The following MAGI3 variants were observed in gnomAD, a reference collection of about 807,000 sequenced individuals.
MAGI3 encodes membrane-associated guanylate kinase, WW and PDZ domain-containing protein 3.
A neutral mutation model predicts 121.8 loss-of-function variants in MAGI3; 43 were observed. That is an observed-to-expected ratio of 0.35 (90% CI 0.28 to 0.46). MAGI3 has a LOEUF of 0.46. Ranked by LOEUF, MAGI3 falls within the 20% of genes least tolerant of loss-of-function variation. MAGI3 has a pLI of 1.00. For missense variants in MAGI3, 1,547 were observed against 1,797.3 expected (o/e 0.86, Z 2.52); for synonymous variants, 553 against 639.3 (o/e 0.86, Z 2.04).
rs770455774 is a variant in MAGI3 at position 113,641,912 on chromosome 1, C to T, written c.1362C>T (p.Gly454=). ...TTTAACATGATTATGTTTTTCCAGG[C>T]GATGTTATTGTAGACATCAATGGCA... ...PAAQDGKIAP[G]DVIVDINGNC... The change falls in exon 10 of 21, where the codon GGC becomes GGT. Residue 454 remains glycine (G), a splice_region_variant and synonymous_variant. Coordinates refer to ENST00000307546, the MANE Select transcript of MAGI3 (RefSeq NM_001142782.2). 3.0e-5 allele frequency: 47 copies of T among 1,546,610 alleles called. No homozygotes were observed. The highest frequency in any genetic ancestry group is 8.7e-5 in the South Asian group (7 of 80,336).
At chr1:113,401,455 C>G (rs1651397669) in intron 1 of MAGI3, among the ~76,000 whole-genome samples, 1 of 151,928 alleles carries the variant, frequency 6.6e-6, no homozygotes, top group Non-Finnish European at 1.5e-5. Context: ...GCTAATCAAG[C>G]AGAAAGTTAG....
intron 1 of MAGI3, among the ~76,000 whole-genome samples, chr1:113,465,362 G>T (rs1480963560): frequency 3.3e-5 from 5 of 152,034 alleles, no homozygotes; most frequent in African/African-American, 7.2e-5. Context: ...ATTGGTCTAT[G>T]TGTCTGTTTT....
rs868648704 is a variant in MAGI3, at chr1:113,454,536, G to C, written c.316+63187G>C. 2.0e-5 allele frequency among the ~76,000 whole-genome samples: 3 copies of C among 152,156 alleles called. 1 individual carries two copies. Among genetic ancestry groups the C allele is most frequent in the Middle Eastern group, 6.8e-3 (2 of 294 alleles). On this transcript the variant is annotated intron_variant, in intron 1 of 20. Transcript: ENST00000307546. ...TTATACTTTAAGTTCTGGGATACAT[G>C]TGCAGAATGTGCAGGTTTGTTACAT...
At chr1:113,581,789 C>T (rs74420438) in intron 3 of MAGI3, among the ~76,000 whole-genome samples, 112 of 152,226 alleles carry the variant, frequency 7.4e-4, no homozygotes, top group African/African-American at 2.5e-3. Context: ...CTGGGCTTAG[C>T]GCCCATGACT....
intron 1 of MAGI3, among the ~76,000 whole-genome samples, chr1:113,487,181 G>A (rs1242381013): frequency 6.6e-6 from 1 of 152,130 alleles, no homozygotes; most frequent in Non-Finnish European, 1.5e-5. Flanking sequence ...GAATTCAAGG[G>A]AATTAAGAAC....
rs965847340 is a variant in MAGI3, at chr1:113,585,457, C to A, written c.624C>A (p.Val208=). Residue 208 remains valine, a synonymous_variant, in exon 4 of 21, where the codon GTC becomes GTA. Coordinates refer to ENST00000307546, the MANE Select transcript of MAGI3 (RefSeq NM_001142782.2). ...SPFQPDPVDQ[V]LFDNEFDAES... ...TTCAGCCAGATCCAGTTGATCAAGT[C>A]CTCTTTGATAATGAGTTTGATGCAG... 1.9e-6 allele frequency: 3 copies of A among 1,614,064 alleles called. No individual in the cohort carries two copies. The highest frequency in any genetic ancestry group is 2.2e-5 in the East Asian group (1 of 44,872).
chr1:113,649,974 C>T (rs1390368690), intron 13 of MAGI3, among the ~76,000 whole-genome samples: 1 of 152,016 alleles, frequency 6.6e-6, no homozygotes, highest in African/African-American at 2.4e-5. Context: ...AAGTTTTGCT[C>T]TTGGTTTGAA....
intron 9 of MAGI3, among the ~76,000 whole-genome samples, chr1:113,636,348 T>G (rs1272566854): frequency 6.6e-6 from 1 of 152,248 alleles, no homozygotes; most frequent in East Asian, 1.9e-4. Flanking sequence ...CTTTCCTGCT[T>G]TCTTTTGTGG....
chr1:113,488,629 G>A (rs1656517247), intron 1 of MAGI3, among the ~76,000 whole-genome samples: 1 of 152,214 alleles, frequency 6.6e-6, no homozygotes, highest in Admixed American at 6.5e-5. Context: ...CAGCTGGCAT[G>A]TATCTGTGTG....
At chr1:113,426,596 A>T (rs1367653569) in intron 1 of MAGI3, among the ~76,000 whole-genome samples, 1 of 152,184 alleles carries the variant, frequency 6.6e-6, no homozygotes, top group Non-Finnish European at 1.5e-5. Context: ...CACATTTAGA[A>T]TTATTATGTT....
rs188974290 is a variant in MAGI3 at position 113,505,568 on chromosome 1, A to G, written c.317-43947A>G. Among the ~76,000 whole-genome samples, 4 of 151,240 alleles carry G rather than the reference A, an allele frequency of 2.6e-5. No homozygotes were observed. In the East Asian group the frequency reaches 5.8e-4, roughly 22 times the overall value. ...TAAATAAATAAATATATAATGTCAG[A>G]TCACATAAAAGCTATGAAGAAAAAG... On this transcript the variant is annotated intron_variant, in intron 1 of 20. Coordinates refer to ENST00000307546, the MANE Select transcript of MAGI3 (RefSeq NM_001142782.2).
chr1:113,490,831 C>A (rs1172360091), intron 1 of MAGI3, among the ~76,000 whole-genome samples: 1 of 152,156 alleles, frequency 6.6e-6, no homozygotes, highest in African/African-American at 2.4e-5. Context: ...ACAAGAAGTG[C>A]TATATCCTAA....
At chr1:113,522,478 C>T (rs181067187) in intron 1 of MAGI3, among the ~76,000 whole-genome samples, 7 of 152,274 alleles carry the variant, frequency 4.6e-5, no homozygotes, top group African/African-American at 1.7e-4. Context: ...TGCTTTTTTA[C>T]CACAATTTAT....
intron 1 of MAGI3, among the ~76,000 whole-genome samples, chr1:113,503,541 A>G (rs1301200503): frequency 6.6e-6 from 1 of 152,090 alleles, no homozygotes; most frequent in African/African-American, 2.4e-5. Flanking sequence ...ATATTTATAT[A>G]GTCACATATA....
chr1:113,590,819 G>C (rs1400029733), intron 5 of MAGI3, among the ~76,000 whole-genome samples, 161 bp downstream of exon 5: 1 of 151,756 alleles, frequency 6.6e-6, no homozygotes, highest in Admixed American at 6.6e-5. Flanking sequence ...TTTTTAATCA[G>C]ATTTAATCTG....
intron 1 of MAGI3, among the ~76,000 whole-genome samples, chr1:113,547,549 G>A (rs1659594367): frequency 6.6e-6 from 1 of 152,070 alleles, no homozygotes; most frequent in Non-Finnish European, 1.5e-5. Flanking sequence ...CAACTATATA[G>A]CGATCTACGA....
chr1:113,532,873 A>AATTG (rs750516386), intron 1 of MAGI3, among the ~76,000 whole-genome samples: 2 of 152,324 alleles, frequency 1.3e-5, no homozygotes, highest in South Asian at 2.1e-4. Context: ...AGCTACAAAG[A>AATTG]ATTGATGTTA....
intron 1 of MAGI3, among the ~76,000 whole-genome samples, chr1:113,393,070 C>T (rs2101259386): frequency 6.6e-6 from 1 of 152,134 alleles, no homozygotes; most frequent in Middle Eastern, 3.4e-3. Flanking sequence ...TTATTGTGAT[C>T]TTTTTTAGAA....
At chr1:113,402,918 AC>A (rs1407670519) in intron 1 of MAGI3, among the ~76,000 whole-genome samples, 2 of 152,090 alleles carry the variant, frequency 1.3e-5, no homozygotes, top group East Asian at 3.9e-4. Context: ...TGTTAGGTAG[AC>A]TAATGGGAAT....
Sources: gnomAD v4.1 joint callset for allele counts (sites outside exome capture counted in the v4.1 genomes callset) on GRCh38, gnomAD v4.1.1 for gene constraint, MANE v1.5 for transcripts, NCBI Gene and HGNC (gene_info 2026-07-23, HGNC 2026-07-21) for gene names.